The following DUSP16 variants were observed in gnomAD, a reference collection of about 807,000 sequenced individuals.
DUSP16 encodes dual specificity protein phosphatase 16.
A neutral mutation model predicts 58.3 loss-of-function variants in DUSP16; 21 were observed. That is an observed-to-expected ratio of 0.36 (90% CI 0.26 to 0.52). DUSP16 has a LOEUF of 0.52. Ranked by LOEUF, DUSP16 falls within the 20% of genes least tolerant of loss-of-function variation. The pLI is 0.94. For synonymous variants in DUSP16, 320 were observed against 323.8 expected, an observed-to-expected ratio of 0.99 and a Z score of 0.12; for missense variants, 726 against 819.0, an observed-to-expected ratio of 0.89 and a Z score of 1.39.
In DUSP16 at chr12:12,521,372, C is replaced by T. The variant is rs916998872; in HGVS notation, c.-274G>A. The T allele has an allele frequency of 7.6e-7, 1 of 1,322,922 alleles. No individual in the cohort carries two copies. Among genetic ancestry groups the T allele is most frequent in the Non-Finnish European group, 9.7e-7 (1 of 1,032,474 alleles). 81.9% of individuals were successfully genotyped at this position (1,322,922 alleles called of 1,614,324 possible). A position where few individuals can be genotyped will look rare whatever the true frequency, so the allele number is the denominator to read the frequency against. On this transcript the variant is annotated 5_prime_UTR_variant, in exon 2 of 7. Coordinates refer to ENST00000298573, the MANE Select transcript of DUSP16 (RefSeq NM_030640.3). ...TAAAGAGATGACTGGAATAACCATTCCACAACAAAAGATGCTTTGGAGCAG... is the reference window on the plus strand; with the variant it reads ...TAAAGAGATGACTGGAATAACCATTTCACAACAAAAGATGCTTTGGAGCAG...
chr12:12,479,849 C>G (rs1331298786), intron 6 of DUSP16, among the ~76,000 whole-genome samples: 2 of 152,222 alleles, frequency 1.3e-5, no homozygotes, highest in African/African-American at 2.4e-5. Context: ...TGAAGCAGAA[C>G]AGAGATTCTG....
At chr12:12,485,819 A>G in intron 5 of DUSP16, among the ~76,000 whole-genome samples, 1 of 105,922 alleles carries the variant, frequency 9.4e-6, no homozygotes, top group Non-Finnish European at 1.8e-5. Flanking sequence ...TTGGAGACAG[A>G]GTCTCACTCT....
In DUSP16 at chr12:12,476,927, C is replaced by G. The variant is rs1289401569; in HGVS notation, c.1904G>C (p.Ser635Thr). ...RRSCQMEFGE[S>T]IMSENRSREE... ...CCGTGACCTGTTCTCTGACATGATG[C>G]TCTCTCCAAATTCCATTTGGCAGCT... Residue 635 changes from serine to threonine, a missense_variant, in exon 7 of 7, where the codon AGC (serine) becomes ACC (threonine). Coordinates refer to ENST00000298573, the MANE Select transcript of DUSP16 (RefSeq NM_030640.3). 7 of 1,613,972 alleles carry G rather than the reference C, an allele frequency of 4.3e-6. No individual in the cohort carries two copies. The African/African-American group carries it at 8.0e-5, about 18-fold the overall frequency.
Position 12,477,866 on chromosome 12 carries a change from G to T in DUSP16, c.965C>A (p.Pro322His). The T allele has an allele frequency of 1.2e-6, 2 of 1,614,156 alleles. No homozygotes were observed. The highest frequency in any genetic ancestry group is 1.7e-6 in the Non-Finnish European group (2 of 1,180,042). Residue 322 changes from proline to histidine, a missense_variant, in exon 7 of 7, where the codon CCT (proline) becomes CAT (histidine). Transcript: ENST00000298573. The surrounding 1 kb of genome is among the most constrained non-coding windows in gnomAD (Gnocchi z 4.1). ...KLLHLEKPNE[P>H]VPAVSEGGQK... ...TCCACCCTCTGAGACAGCAGGGACA[G>T]GTTCATTTGGCTTCTCCAGGTGCAG...
intron 1 of DUSP16, among the ~76,000 whole-genome samples, chr12:12,553,283 G>A (rs1215762773): frequency 6.6e-6 from 1 of 152,078 alleles, no homozygotes; most frequent in Non-Finnish European, 1.5e-5. Context: ...GCACTTTTAA[G>A]TATATGTATA....
intron 1 of DUSP16, among the ~76,000 whole-genome samples, chr12:12,530,836 A>G (rs1390441843): frequency 1.3e-5 from 2 of 152,208 alleles, no homozygotes; most frequent in Non-Finnish European, 1.5e-5. Flanking sequence ...AGCAAGATAT[A>G]TGTGTGAAAA....
Position 12,516,264 on chromosome 12 carries a change from C to T in DUSP16, c.367+3598G>A, listed in dbSNP as rs113680273. The stretch of plus-strand genomic sequence containing the variant: ...AAGCAATCCTCCCCCATCAGCTTCC[C>T]GAGTAGCTGGAAATAGAGGGGTGCA... On this transcript the variant is annotated intron_variant, in intron 3 of 6. Coordinates refer to ENST00000298573, the MANE Select transcript of DUSP16 (RefSeq NM_030640.3). Among the ~76,000 whole-genome samples the T allele has an allele frequency of 6.0e-3, 902 of 150,216 alleles. 30 individuals carry two copies. The highest frequency in any genetic ancestry group is 0.022 in the African/African-American group (862 of 39,606).
intron 6 of DUSP16, among the ~76,000 whole-genome samples, chr12:12,479,076 T>C (rs1442456712): frequency 6.6e-6 from 1 of 152,080 alleles, no homozygotes; most frequent in Non-Finnish European, 1.5e-5. Context: ...AATATCTGGG[T>C]CCATTTTTGT....
At chr12:12,530,666 T>C (rs1944370477) in intron 1 of DUSP16, among the ~76,000 whole-genome samples, 1 of 152,182 alleles carries the variant, frequency 6.6e-6, no homozygotes, top group Non-Finnish European at 1.5e-5. Context: ...TCCTATACAG[T>C]GCATTTCTTG....
chr12:12,534,532 G>A (rs1199443947), intron 1 of DUSP16, among the ~76,000 whole-genome samples: 1 of 152,184 alleles, frequency 6.6e-6, no homozygotes, highest in Non-Finnish European at 1.5e-5. Flanking sequence ...TCATCTAACT[G>A]TAGTTTCTGG....
chr12:12,532,136 G>A (rs540398178), intron 1 of DUSP16, among the ~76,000 whole-genome samples: 78 of 151,982 alleles, frequency 5.1e-4, no homozygotes, highest in African/African-American at 1.8e-3. Flanking sequence ...CCGCAGTCCG[G>A]CCTGGGCGAC....
At chr12:12,530,248 T>C (rs533167974) in intron 1 of DUSP16, among the ~76,000 whole-genome samples, 1 of 152,330 alleles carries the variant, frequency 6.6e-6, no homozygotes, top group Middle Eastern at 3.4e-3. Flanking sequence ...TAATTTGCAT[T>C]TCTCTGATGA....
rs560068216 is a variant in DUSP16 at position 12,515,509 on chromosome 12, G to A, written c.367+4353C>T. 5.9e-5 allele frequency among the ~76,000 whole-genome samples: 9 copies of A among 151,902 alleles called. No homozygotes were observed. In the East Asian group the frequency reaches 1.8e-3, roughly 30 times the overall value. On this transcript the variant is annotated intron_variant, in intron 3 of 6. Coordinates refer to ENST00000298573, the MANE Select transcript of DUSP16 (RefSeq NM_030640.3). ...CACCTGGTTAATTTTGTATTTTTTA[G>A]TAGAGACGGGGTTTCTCCACATTGG... is the stretch of plus-strand genomic sequence containing the variant.
chr12:12,478,336 C>CTTT (rs541835613), intron 6 of DUSP16, among the ~76,000 whole-genome samples: 2 of 144,292 alleles, frequency 1.4e-5, no homozygotes, highest in African/African-American at 5.1e-5. Context: ...TGGTGGTGGT[C>CTTT]TTTTTTTTTT....
At chr12:12,560,981 A>G (rs1944892899) in intron 1 of DUSP16, 1 of 101,816 alleles carries the variant, frequency 9.8e-6, no homozygotes, top group African/African-American at 4.6e-5. Flanking sequence ...CGGAAAAGAA[A>G]GAAGAGAAAG....
chr12:12,542,395 A>G (rs1482150637), intron 1 of DUSP16, among the ~76,000 whole-genome samples: 4 of 150,592 alleles, frequency 2.7e-5, no homozygotes, highest in Non-Finnish European at 5.9e-5. Flanking sequence ...AGAGAAAAAA[A>G]AAAAAAAAAA....
At position 12,482,056 on chromosome 12, in the gene DUSP16, T is replaced by C. The variant is rs185138259; in HGVS notation, c.692-1710A>G. Among the ~76,000 whole-genome samples, 10 of 152,352 alleles carry C rather than the reference T, an allele frequency of 6.6e-5. No individual in the cohort carries two copies. In the East Asian group the frequency reaches 1.7e-3, roughly 26 times the overall value. ...TGTATCTTTTGGTTCTAACCTATTATTGAAAACTGCTTCAAATCCTTACTG... is the reference window on the plus strand; with the variant it reads ...TGTATCTTTTGGTTCTAACCTATTACTGAAAACTGCTTCAAATCCTTACTG... On this transcript the variant is annotated intron_variant, in intron 5 of 6. Transcript: ENST00000298573.
chr12:12,518,813 T>C (rs1196851847), intron 3 of DUSP16, among the ~76,000 whole-genome samples: 2 of 152,182 alleles, frequency 1.3e-5, no homozygotes, highest in Admixed American at 1.3e-4. Context: ...AATCACAGCA[T>C]AAATGAAAGG....
chr12:12,475,017 G>A lies in DUSP16; in HGVS notation c.*1816C>T, dbSNP rs1305807789. Reference sequence around the variant, plus strand: ...ATAGCACATTATTTGTGCACAACTAGTGAGGTCTGTGCGGCTCATCATCCC... The same window carrying A: ...ATAGCACATTATTTGTGCACAACTAATGAGGTCTGTGCGGCTCATCATCCC... On this transcript the variant is annotated 3_prime_UTR_variant, in exon 7 of 7. Transcript: ENST00000298573. 7 of 152,260 alleles carry A rather than the reference G, an allele frequency of 4.6e-5. No individual in the cohort carries two copies. Among genetic ancestry groups the A allele is most frequent in the Middle Eastern group, 3.4e-3 (1 of 294 alleles). 9.4% of individuals were successfully genotyped at this position (152,260 alleles called of 1,614,324 possible).
Sources: gnomAD v4.1 joint callset for allele counts (sites outside exome capture counted in the v4.1 genomes callset) on GRCh38, gnomAD v4.1.1 for gene constraint, Gnocchi (gnomAD v3.1) non-coding constraint, MANE v1.5 for transcripts, NCBI Gene and HGNC (gene_info 2026-07-23, HGNC 2026-07-21) for gene names.